DLG5: variants seen among roughly 807,000 people sequenced by gnomAD.
The protein encoded by DLG5 is discs large MAGUK scaffold protein 5.
In DLG5, 48 loss-of-function variants were observed where a neutral mutation model predicts 189.8. The ratio of observed to expected loss-of-function variants is 0.25; its 90% CI spans 0.20 to 0.32. The LOEUF is 0.32. Among genes scored for constraint, DLG5 ranks in the 10% least tolerant of loss-of-function variants. The probability of loss-of-function intolerance (pLI) is 1.00; values close to 1 mark genes in which losing one functional copy is unlikely to be tolerated. For synonymous variants in DLG5, 1,016 were observed against 1,054.1 expected (o/e 0.96, Z 0.70); for missense variants, 2,160 against 2,544.7 (o/e 0.85, Z 3.25).
intron 1 of DLG5, among the ~76,000 whole-genome samples, chr10:77,906,901 C>A (rs775842020): frequency 1.1e-4 from 17 of 152,188 alleles, no homozygotes; most frequent in Non-Finnish European, 2.4e-4. Context: ...GCTGGGATTA[C>A]AGGTATGAGC....
intron 9 of DLG5, among the ~76,000 whole-genome samples, chr10:77,832,382 C>A (rs1842927748): frequency 6.6e-6 from 1 of 152,216 alleles, no homozygotes; most frequent in South Asian, 2.1e-4. Context: ...CCACTGGGCT[C>A]CTGACCTACT....
chr10:77,800,892 G>A lies in DLG5; in HGVS notation c.5165-4298C>T, dbSNP rs142016164. ...GGAACACCCCAGGCTGGGACCACTGGTGGGCCACCCCCTAGGGTCAGGTGA... is the reference window on the plus strand; with the variant it reads ...GGAACACCCCAGGCTGGGACCACTGATGGGCCACCCCCTAGGGTCAGGTGA... On this transcript the variant is annotated intron_variant, in intron 27 of 31. Coordinates refer to ENST00000372391, the MANE Select transcript of DLG5 (RefSeq NM_004747.4). Among the ~76,000 whole-genome samples the A allele has an allele frequency of 3.0e-3, 450 of 152,264 alleles. 4 individuals carry two copies. Among genetic ancestry groups the A allele is most frequent in the African/African-American group, 0.01 (418 of 41,562 alleles).
chr10:77,808,664 C>T (rs2154575197), intron 24 of DLG5, among the ~76,000 whole-genome samples: 1 of 152,292 alleles, frequency 6.6e-6, no homozygotes, highest in African/African-American at 2.4e-5. Flanking sequence ...CCTGCAGCTA[C>T]ATCACCTGAG....
chr10:77,814,460 T>C (rs1347673180), intron 20 of DLG5, among the ~76,000 whole-genome samples: 2 of 99,016 alleles, frequency 2.0e-5, no homozygotes, highest in Non-Finnish European at 3.9e-5. Context: ...ATAAAGCATG[T>C]TTATATATAT....
intron 1 of DLG5, among the ~76,000 whole-genome samples, chr10:77,905,210 G>A (rs1054798212): frequency 3.3e-5 from 5 of 151,562 alleles, no homozygotes; most frequent in South Asian, 4.2e-4. Context: ...TGTGTTGCCC[G>A]GGCTGGTCTC....
chr10:77,834,050 G>A lies in DLG5; in HGVS notation c.1623-11C>T. 6.2e-7 allele frequency: 1 copy of A among 1,607,604 alleles called. No individual in the cohort carries two copies. The highest frequency in any genetic ancestry group is 8.5e-7 in the Non-Finnish European group (1 of 1,178,892). On this transcript the variant is annotated splice_polypyrimidine_tract_variant and intron_variant, in intron 8 of 31. Coordinates refer to ENST00000372391, the MANE Select transcript of DLG5 (RefSeq NM_004747.4). The stretch of plus-strand genomic sequence containing the variant: ...TTGTCACACAGTGTCCTGGTGGAAG[G>A]AGCAGAGGACAAGGTCATCTCAAGA...
intron 13 of DLG5, among the ~76,000 whole-genome samples, chr10:77,826,234 G>A (rs902627633): frequency 3.9e-5 from 6 of 152,222 alleles, no homozygotes; most frequent in Non-Finnish European, 8.8e-5. Context: ...GTAAGTAAGG[G>A]CAGAGATGCC....
intron 1 of DLG5, among the ~76,000 whole-genome samples, chr10:77,909,757 T>C (rs575254588): frequency 6.6e-6 from 1 of 152,286 alleles, no homozygotes; most frequent in Admixed American, 6.5e-5. Context: ...AGCTCCGTTT[T>C]TTTCAGGAGA....
Position 77,804,266 on chromosome 10 carries a change from T to G in DLG5, c.5164+1399A>C, listed in dbSNP as rs2579141. Among the ~76,000 whole-genome samples, 4 of 152,192 alleles carry G rather than the reference T, an allele frequency of 2.6e-5. 1 individual carries two copies. Among genetic ancestry groups the G allele is most frequent in the Admixed American group, 2.6e-4 (4 of 15,286 alleles). ...GCAAAACGGCAAAATTAAGCAATTG[T>G]TATCAGCAAAGGGCTAATAGACTTT... is the stretch of plus-strand genomic sequence containing the variant. On this transcript the variant is annotated intron_variant, in intron 27 of 31. Coordinates refer to ENST00000372391, the MANE Select transcript of DLG5 (RefSeq NM_004747.4).
chr10:77,908,025 T>C (rs1846114525), intron 1 of DLG5, among the ~76,000 whole-genome samples: 2 of 152,214 alleles, frequency 1.3e-5, no homozygotes, highest in South Asian at 4.2e-4. Context: ...GCCACCTACC[T>C]TTCACACAAG....
At chr10:77,851,601 C>T (rs751714178) in intron 5 of DLG5, among the ~76,000 whole-genome samples, 4 of 152,202 alleles carry the variant, frequency 2.6e-5, no homozygotes, top group Non-Finnish European at 5.9e-5. Context: ...TGACCTCACA[C>T]GACCAATTCC....
chr10:77,846,847 G>A (rs907878998), intron 5 of DLG5: 5 of 403,480 alleles, frequency 1.2e-5, no homozygotes, highest in Admixed American at 2.9e-5. Context: ...GCGGGGAGAC[G>A]AGCCAACGCT....
At chr10:77,890,706 C>A (rs996243789) in intron 1 of DLG5, among the ~76,000 whole-genome samples, 1 of 152,176 alleles carries the variant, frequency 6.6e-6, no homozygotes, top group Non-Finnish European at 1.5e-5. Context: ...AATAATTATG[C>A]TTTACACTTG....
chr10:77,801,186 G>A (rs1353364000), intron 27 of DLG5, among the ~76,000 whole-genome samples: 3 of 152,130 alleles, frequency 2.0e-5, no homozygotes, highest in African/African-American at 7.2e-5. Flanking sequence ...GTTACCAAAC[G>A]CAGTCTTTAC....
intron 5 of DLG5, among the ~76,000 whole-genome samples, chr10:77,846,507 G>A (rs1446345942): frequency 6.6e-6 from 1 of 151,754 alleles, no homozygotes; most frequent in African/African-American, 2.4e-5. Flanking sequence ...GACCAGCCTG[G>A]CTAACATGGT....
intron 1 of DLG5, among the ~76,000 whole-genome samples, chr10:77,907,182 A>G (rs571391669): frequency 2.6e-5 from 4 of 152,292 alleles, no homozygotes; most frequent in Admixed American, 2.6e-4. Flanking sequence ...AGTTGGGGGT[A>G]GAGTAGGGAG....
chr10:77,853,426 T>G lies in DLG5; in HGVS notation c.792A>C (p.Ser264=), dbSNP rs1184759809. Residue 264 remains serine, a synonymous_variant, in exon 5 of 32, where the codon TCA becomes TCC. Coordinates refer to ENST00000372391, the MANE Select transcript of DLG5 (RefSeq NM_004747.4). ...LLRERNLLQQ[S]WEDMKRLHEE... ...CGTGGAGCCGCTTCATGTCCTCCCA[T>G]GACTGCTGCAGCAGGTTTCGCTCCC... 1 of 1,609,824 alleles carries G rather than the reference T, an allele frequency of 6.2e-7. No individual in the cohort carries two copies. Among genetic ancestry groups the G allele is most frequent in the East Asian group, 2.2e-5 (1 of 44,796 alleles).
rs1846296451 is a variant in DLG5, at chr10:77,914,103, CA to C, written c.304+12113del. Among the ~76,000 whole-genome samples, 6 of 150,620 alleles carry C rather than the reference CA, an allele frequency of 4.0e-5. No homozygotes were observed. The Admixed American group carries it at 4.1e-4, about 10-fold the overall frequency. On this transcript the variant is annotated intron_variant, in intron 1 of 31. Transcript: ENST00000372391. ...CCTCTAAGTATCCTTTCCTCAAAAA[CA>C]AGCTCTTCAAGGTCCTTTTGGAACT...
intron 1 of DLG5, among the ~76,000 whole-genome samples, chr10:77,898,088 C>T (rs1290408628): frequency 1.3e-5 from 2 of 152,190 alleles, no homozygotes; most frequent in African/African-American, 4.8e-5. Context: ...AGGGTAGCTG[C>T]TGCTACCACA....
Sources: allele counts gnomAD v4.1 joint callset (sites outside exome capture counted in the v4.1 genomes callset), GRCh38; gene constraint gnomAD v4.1.1; transcripts MANE v1.5; gene names NCBI Gene and HGNC (gene_info 2026-07-23, HGNC 2026-07-21).